Variants in SLC9C1 observed in about 807,000 individuals in gnomAD.
The protein encoded by SLC9C1 is solute carrier family 9 member C1.
A neutral mutation model predicts 140.9 loss-of-function variants in SLC9C1; 97 were observed. That is an observed-to-expected ratio of 0.69 (90% CI 0.58 to 0.82). The LOEUF is 0.82. SLC9C1 is among the 40% of genes least tolerant of loss of function. The pLI is 0.00. For synonymous variants in SLC9C1, 440 were observed against 442.6 expected (o/e 0.99, Z 0.07); for missense variants, 1,340 against 1,389.3 (o/e 0.96, Z 0.56).
At chr3:112,171,107 G>T (rs771116303) in intron 23 of SLC9C1, among the ~76,000 whole-genome samples, 1 of 152,082 alleles carries the variant, frequency 6.6e-6, no homozygotes, top group African/African-American at 2.4e-5. Flanking sequence ...CTAGCTACTT[G>T]GGAGGCTGAG....
At chr3:112,267,079 G>A (rs533827631) in intron 7 of SLC9C1, among the ~76,000 whole-genome samples, 1 of 152,132 alleles carries the variant, frequency 6.6e-6, no homozygotes, top group East Asian at 1.9e-4. Context: ...GGGGTTCAGG[G>A]CTGGCCTAGG....
chr3:112,237,190 TG>T (rs1227501573), intron 12 of SLC9C1, among the ~76,000 whole-genome samples: 1 of 152,242 alleles, frequency 6.6e-6, no homozygotes, highest in Non-Finnish European at 1.5e-5. Context: ...TAGCTCTTTT[TG>T]TTGAACTGAT....
intron 12 of SLC9C1, among the ~76,000 whole-genome samples, chr3:112,238,569 T>G (rs1217096587): frequency 6.6e-6 from 1 of 152,226 alleles, no homozygotes; most frequent in African/African-American, 2.4e-5. Flanking sequence ...TGTTCTGTTT[T>G]TTCCCCATCT....
intron 5 of SLC9C1, among the ~76,000 whole-genome samples, chr3:112,275,492 A>T (rs1168981324): frequency 6.6e-6 from 1 of 152,158 alleles, no homozygotes; most frequent in Non-Finnish European, 1.5e-5. Context: ...TTTAGAAATC[A>T]ATCTCCATGA....
At chr3:112,260,093 T>C (rs1040554375) in intron 10 of SLC9C1, among the ~76,000 whole-genome samples, 4 of 152,284 alleles carry the variant, frequency 2.6e-5, no homozygotes, top group African/African-American at 7.2e-5. Flanking sequence ...TTGAGTTATA[T>C]AGAGGAGTAT....
At chr3:112,149,963 A>G (rs901009852) in intron 28 of SLC9C1, among the ~76,000 whole-genome samples, 1 of 152,172 alleles carries the variant, frequency 6.6e-6, no homozygotes, top group Non-Finnish European at 1.5e-5. Context: ...GCACTCAGCA[A>G]TGGCACATAC....
chr3:112,274,622 C>T (rs1216710683), intron 6 of SLC9C1, among the ~76,000 whole-genome samples: 1 of 152,156 alleles, frequency 6.6e-6, no homozygotes, highest in East Asian at 1.9e-4. Flanking sequence ...GAATATCCCT[C>T]ATTCTGGTGG....
intron 26 of SLC9C1, among the ~76,000 whole-genome samples, chr3:112,162,653 T>G (rs2075341127): frequency 6.6e-6 from 1 of 152,230 alleles, no homozygotes; most frequent in African/African-American, 2.4e-5. Flanking sequence ...CTTTTTGATG[T>G]ACTGCTGGAT....
chr3:112,148,360 T>G (rs2074864278), intron 28 of SLC9C1, among the ~76,000 whole-genome samples: 1 of 152,206 alleles, frequency 6.6e-6, no homozygotes, highest in African/African-American at 2.4e-5. Flanking sequence ...AATTCTTGCA[T>G]GGGTTCCTTC....
chr3:112,205,736 AAAAC>A (rs1309824123), intron 16 of SLC9C1, among the ~76,000 whole-genome samples: 1 of 140,614 alleles, frequency 7.1e-6, no homozygotes, highest in African/African-American at 2.6e-5. Context: ...AAACCTGAGA[AAAAC>A]AAGCAATGGG....
chr3:112,238,676 G>A (rs898974817), intron 12 of SLC9C1, among the ~76,000 whole-genome samples: 16 of 152,194 alleles, frequency 1.1e-4, no homozygotes, highest in Non-Finnish European at 2.4e-4. Flanking sequence ...CCTTCTAACA[G>A]GCAGGACCCT....
chr3:112,267,506 G>A (rs1214007200), intron 7 of SLC9C1, among the ~76,000 whole-genome samples: 2 of 138,700 alleles, frequency 1.4e-5, no homozygotes, highest in African/African-American at 5.4e-5. Flanking sequence ...AACCCGAAAG[G>A]TGGAGTTTGC....
chr3:112,161,442 T>A (rs1168392586), intron 26 of SLC9C1, among the ~76,000 whole-genome samples: 1 of 152,216 alleles, frequency 6.6e-6, no homozygotes, highest in Non-Finnish European at 1.5e-5. Context: ...TGAATTGATT[T>A]TTGTATAAGG....
intron 2 of SLC9C1, among the ~76,000 whole-genome samples, chr3:112,283,254 A>C (rs75443895): frequency 0.012 from 1,850 of 152,262 alleles, 20 homozygotes; most frequent in Non-Finnish European, 0.016. Flanking sequence ...TGGCCAAAGC[A>C]GAAGGATCCC....
intron 6 of SLC9C1, among the ~76,000 whole-genome samples, chr3:112,271,345 T>C (rs753050534): frequency 6.7e-6 from 1 of 148,688 alleles, no homozygotes; most frequent in African/African-American, 2.4e-5. Flanking sequence ...TAAAAAATTA[T>C]AGTTAAATGA....
chr3:112,247,409 C>G (rs2079318013), intron 10 of SLC9C1, among the ~76,000 whole-genome samples: 1 of 152,142 alleles, frequency 6.6e-6, no homozygotes, highest in Non-Finnish European at 1.5e-5. Flanking sequence ...GATCTTTCAA[C>G]CATAGTTAAT....
chr3:112,224,100 G>T (rs192460484), intron 13 of SLC9C1, among the ~76,000 whole-genome samples: 15 of 152,258 alleles, frequency 9.9e-5, no homozygotes, highest in African/African-American at 3.6e-4. Context: ...CTCTACCCAT[G>T]GTAGCATAGC....
intron 10 of SLC9C1, among the ~76,000 whole-genome samples, chr3:112,260,242 T>C (rs921899776): frequency 1.3e-5 from 2 of 152,044 alleles, no homozygotes; most frequent in African/African-American, 4.8e-5. Context: ...GCCATGAAGC[T>C]CATAACGAAA....
At chr3:112,227,650 A>G (rs2078717628) in intron 13 of SLC9C1, among the ~76,000 whole-genome samples, 1 of 152,148 alleles carries the variant, frequency 6.6e-6, no homozygotes, top group African/African-American at 2.4e-5. Flanking sequence ...ACAAGTTAAA[A>G]TCTTATATTT....
Sources: allele counts gnomAD v4.1 joint callset (sites outside exome capture counted in the v4.1 genomes callset), GRCh38; gene constraint gnomAD v4.1.1; transcripts MANE v1.5; gene names NCBI Gene and HGNC (gene_info 2026-07-23, HGNC 2026-07-21).